The following GRID2 variants were observed in gnomAD, a reference collection of about 807,000 sequenced individuals.
GRID2 encodes glutamate ionotropic receptor delta type subunit 2.
GRID2 carries 33 observed loss-of-function variants against 114.8 expected under a neutral mutation model. The ratio of observed to expected loss-of-function variants is 0.29; its 90% CI spans 0.22 to 0.38. GRID2 has a LOEUF of 0.38. Ranked by LOEUF, GRID2 falls within the 10% of genes least tolerant of loss-of-function variation. GRID2 has a pLI of 1.00. For missense variants in GRID2, 1,184 were observed against 1,257.7 expected (o/e 0.94, Z 0.89); for synonymous variants, 505 against 449.9 (o/e 1.12, Z -1.55).
At chr4:93,442,212 T>C (rs1721687542) in intron 10 of GRID2, among the ~76,000 whole-genome samples, 1 of 152,058 alleles carries the variant, frequency 6.6e-6, no homozygotes, top group Non-Finnish European at 1.5e-5. Context: ...TCAATTCTAG[T>C]TCTTTTATCC....
intron 2 of GRID2, among the ~76,000 whole-genome samples, chr4:93,065,602 A>G (rs1728225684): frequency 6.6e-6 from 1 of 152,008 alleles, no homozygotes; most frequent in South Asian, 2.1e-4. Flanking sequence ...GGAACATTGT[A>G]AGAACAGTTA....
chr4:93,400,843 T>C (rs1765812954), intron 9 of GRID2, among the ~76,000 whole-genome samples: 1 of 152,106 alleles, frequency 6.6e-6, no homozygotes, highest in Admixed American at 6.6e-5. Flanking sequence ...TTTTTTGTTG[T>C]TTGTTTTTAT....
chr4:93,202,633 T>C (rs1742228568), intron 4 of GRID2, among the ~76,000 whole-genome samples: 1 of 152,184 alleles, frequency 6.6e-6, no homozygotes, highest in Non-Finnish European at 1.5e-5. Context: ...GAGCATTATA[T>C]AGCTGCAAGT....
chr4:93,008,955 CTT>C (rs1721841046), intron 2 of GRID2, among the ~76,000 whole-genome samples: 2 of 152,162 alleles, frequency 1.3e-5, no homozygotes, highest in Admixed American at 6.6e-5. Flanking sequence ...CATATGTTCT[CTT>C]CACAAAGTAT....
At chr4:92,542,614 C>A (rs1726026988) in intron 1 of GRID2, among the ~76,000 whole-genome samples, 1 of 151,520 alleles carries the variant, frequency 6.6e-6, no homozygotes, top group African/African-American at 2.4e-5. Flanking sequence ...ATATAATGGA[C>A]TCTGGGGACT....
intron 13 of GRID2, among the ~76,000 whole-genome samples, chr4:93,619,454 C>T (rs1553966597): frequency 6.6e-6 from 1 of 152,210 alleles, no homozygotes; most frequent in Non-Finnish European, 1.5e-5. Flanking sequence ...CTGTGATTCA[C>T]AATCACATTA....
chr4:93,319,981 G>A (rs1192895246), intron 8 of GRID2, among the ~76,000 whole-genome samples: 4 of 151,966 alleles, frequency 2.6e-5, no homozygotes, highest in African/African-American at 9.7e-5. Context: ...ATAACAAATC[G>A]GTATTGTTAT....
At chr4:92,815,725 C>T (rs1270418686) in intron 2 of GRID2, among the ~76,000 whole-genome samples, 1 of 151,156 alleles carries the variant, frequency 6.6e-6, no homozygotes, top group Non-Finnish European at 1.5e-5. Context: ...CCAGCCTGGG[C>T]AACATGATGA....
chr4:93,013,331 TTA>T (rs1209083204), intron 2 of GRID2, among the ~76,000 whole-genome samples: 1 of 151,984 alleles, frequency 6.6e-6, no homozygotes, highest in Admixed American at 6.6e-5. Flanking sequence ...GAGGATAACT[TTA>T]TGTTTATTGA....
chr4:92,486,546 T>TAC (rs1722896536), intron 1 of GRID2, among the ~76,000 whole-genome samples: 2 of 76,704 alleles, frequency 2.6e-5, no homozygotes, highest in Non-Finnish European at 5.4e-5. Context: ...CTCTCTCTCT[T>TAC]TCACACACAC....
chr4:92,892,909 A>G (rs1382360852), intron 2 of GRID2, among the ~76,000 whole-genome samples: 1 of 152,246 alleles, frequency 6.6e-6, no homozygotes, highest in Non-Finnish European at 1.5e-5. Context: ...ACTGTTTAGC[A>G]TAAAATAAAA....
chr4:93,499,065 T>C (rs1039901235), intron 12 of GRID2, among the ~76,000 whole-genome samples: 5 of 151,916 alleles, frequency 3.3e-5, no homozygotes, highest in Non-Finnish European at 5.9e-5. Context: ...TTAGCCTGTT[T>C]AGTGGATTAC....
intron 1 of GRID2, among the ~76,000 whole-genome samples, chr4:92,378,081 G>A (rs1175633287): frequency 6.6e-6 from 1 of 151,522 alleles, no homozygotes; most frequent in African/African-American, 2.4e-5. Flanking sequence ...GCTGAAAGAG[G>A]CTGTAGAGAT....
chr4:92,868,896 A>G (rs1745084782), intron 2 of GRID2, among the ~76,000 whole-genome samples: 1 of 152,180 alleles, frequency 6.6e-6, no homozygotes, highest in Non-Finnish European at 1.5e-5. Context: ...TGCATGAAAA[A>G]AATCTACTTT....
intron 2 of GRID2, among the ~76,000 whole-genome samples, chr4:92,803,956 G>A (rs1157383087): frequency 6.6e-6 from 1 of 151,886 alleles, no homozygotes; most frequent in Non-Finnish European, 1.5e-5. Flanking sequence ...CCTTCTGGTA[G>A]CCCCTAGCAT....
intron 14 of GRID2, among the ~76,000 whole-genome samples, chr4:93,653,567 C>T (rs1053754530): frequency 6.6e-6 from 1 of 152,094 alleles, no homozygotes; most frequent in Non-Finnish European, 1.5e-5. Context: ...ACTTGCATCT[C>T]CAGCCTTGAC....
chr4:92,851,450 AG>A (rs1229055289), intron 2 of GRID2, among the ~76,000 whole-genome samples: 1 of 151,954 alleles, frequency 6.6e-6, no homozygotes, highest in Non-Finnish European at 1.5e-5. Flanking sequence ...ATTTCTTATC[AG>A]GATTACAGAA....
chr4:93,733,566 A>G (rs971781956), intron 14 of GRID2, among the ~76,000 whole-genome samples: 1 of 152,088 alleles, frequency 6.6e-6, no homozygotes, highest in Admixed American at 6.6e-5. Flanking sequence ...CTCCATCCAT[A>G]TGTCACTCTG....
intron 2 of GRID2, among the ~76,000 whole-genome samples, chr4:92,752,084 T>C (rs1023961845): frequency 1.3e-5 from 2 of 152,212 alleles, no homozygotes; most frequent in Non-Finnish European, 2.9e-5. Flanking sequence ...ATGTTGGCTG[T>C]AAACAATATT....
Sources: gnomAD v4.1 joint callset for allele counts (sites outside exome capture counted in the v4.1 genomes callset) on GRCh38, gnomAD v4.1.1 for gene constraint, MANE v1.5 for transcripts, NCBI Gene and HGNC (gene_info 2026-07-23, HGNC 2026-07-21) for gene names.